CHST9: variants seen among roughly 807,000 people sequenced by gnomAD.
CHST9 encodes the protein GalNAc-4-sulfotransferase 2.
A neutral mutation model predicts 44.4 loss-of-function variants in CHST9; 41 were observed. The ratio of observed to expected loss-of-function variants is 0.92; its 90% confidence interval spans 0.72 to 1.20. The LOEUF (loss-of-function observed/expected upper bound fraction) is 1.20. Among genes scored for constraint, CHST9 ranks in the 50% most tolerant of loss-of-function variants. The probability of loss-of-function intolerance (pLI) is 0.00; values close to 1 mark genes in which losing one functional copy is unlikely to be tolerated. For missense variants in CHST9, 504 were observed against 516.5 expected, an observed-to-expected ratio of 0.98 and a Z score of 0.23; for synonymous variants, 171 against 178.4, an observed-to-expected ratio of 0.96 and a Z score of 0.33.
At chr18:26,934,298 G>C (rs1400215586) in intron 5 of CHST9, 5 of 150,620 alleles carry the variant, frequency 3.3e-5, no homozygotes, top group African/African-American at 4.9e-5. Context: ...GCAGCGGCGC[G>C]ATCTCGGCTC....
At position 27,039,418 on chromosome 18, in the gene CHST9, T is replaced by C. The variant is rs552218618; in HGVS notation, c.160+9047A>G. ...TAGCTAGTCACAAAACCACAAATATTGTATGATTCTACTTATATAAATTAC... is the reference window on the plus strand; with the variant it reads ...TAGCTAGTCACAAAACCACAAATATCGTATGATTCTACTTATATAAATTAC... On this transcript the variant is annotated intron_variant, in intron 3 of 5. Coordinates refer to ENST00000618847, the MANE Select transcript of CHST9 (RefSeq NM_031422.6). 2.6e-5 allele frequency among the ~76,000 whole-genome samples: 4 copies of C among 152,038 alleles called. 1 individual carries two copies. Among genetic ancestry groups the C allele is most frequent in the African/African-American group, 7.2e-5 (3 of 41,516 alleles).
chr18:26,952,336 C>T (rs993129371), intron 4 of CHST9: 14 of 503,720 alleles, frequency 2.8e-5, no homozygotes, highest in African/African-American at 2.3e-4. Context: ...CCAACTATGT[C>T]CTCAGGCAGG....
At chr18:27,085,326 A>G (rs1230364602) in intron 2 of CHST9, among the ~76,000 whole-genome samples, 1 of 152,342 alleles carries the variant, frequency 6.6e-6, no homozygotes, top group East Asian at 1.9e-4. Context: ...TAACAGAGAA[A>G]GCAGACAACC....
At chr18:26,987,564 A>G (rs942573787) in intron 4 of CHST9, among the ~76,000 whole-genome samples, 1 of 152,208 alleles carries the variant, frequency 6.6e-6, no homozygotes, top group East Asian at 1.9e-4. Flanking sequence ...AATAAAATAT[A>G]TGACAACAAC....
At chr18:26,989,277 C>T (rs2056788964) in intron 4 of CHST9, among the ~76,000 whole-genome samples, 1 of 152,068 alleles carries the variant, frequency 6.6e-6, no homozygotes, top group African/African-American at 2.4e-5. Flanking sequence ...AAGATTTGAA[C>T]AGGCACTTCA....
intron 4 of CHST9, among the ~76,000 whole-genome samples, chr18:26,980,605 A>G (rs1387704093): frequency 6.6e-6 from 1 of 152,120 alleles, no homozygotes; most frequent in Non-Finnish European, 1.5e-5. Context: ...ACTCCATTTT[A>G]TATGTCAGGT....
At position 26,916,978 on chromosome 18, in the gene CHST9, T is replaced by C. The variant is rs1210860312; in HGVS notation, c.613A>G (p.Arg205Gly). 6.2e-7 allele frequency: 1 copy of C among 1,613,870 alleles called. No homozygotes were observed. The highest frequency in any genetic ancestry group is 8.5e-7 in the Non-Finnish European group (1 of 1,179,892). ...HQSHLFHTVSRIYVEDKHKIL... is the reference protein window; with the variant it reads ...HQSHLFHTVSGIYVEDKHKIL... ...TTGTGTTTATCTTCTACATAGATTC[T>C]GGATACTGTATGAAAAAGATGTGAC... Residue 205 changes from arginine (R) to glycine (G), a missense_variant, in exon 6 of 6, where the codon AGA becomes GGA. By Grantham distance (125) the Arg-to-Gly change is moderately radical (BLOSUM62 -2). Transcript: ENST00000618847.
At chr18:26,992,787 C>T (rs551155403) in intron 4 of CHST9, among the ~76,000 whole-genome samples, 20 of 152,028 alleles carry the variant, frequency 1.3e-4, no homozygotes, top group Non-Finnish European at 2.4e-4. Flanking sequence ...TTGAGCAATG[C>T]GATGGCATTA....
chr18:27,166,185 A>G (rs983003709), intron 1 of CHST9, among the ~76,000 whole-genome samples: 4 of 152,120 alleles, frequency 2.6e-5, no homozygotes, highest in African/African-American at 7.2e-5. Context: ...TCCAGTTCCA[A>G]TAACTCATCT....
intron 2 of CHST9, among the ~76,000 whole-genome samples, chr18:27,106,350 C>T (rs1305423748): frequency 6.6e-6 from 1 of 152,094 alleles, no homozygotes; most frequent in Non-Finnish European, 1.5e-5. Context: ...TTCTTAGTTT[C>T]CCGTCTTAAT....
rs1200756779 is a variant in CHST9, at chr18:26,908,393, G to A, written c.*7866C>T. 1 of 151,766 alleles carries A rather than the reference G, an allele frequency of 6.6e-6. No homozygotes were observed. The highest frequency in any genetic ancestry group is 6.6e-5 in the Admixed American group (1 of 15,230). The allele number at this position is 151,766 out of a possible 1,614,324, so 9.4% of individuals were successfully genotyped here. On this transcript the variant is annotated 3_prime_UTR_variant, in exon 6 of 6. Coordinates refer to ENST00000618847, the MANE Select transcript of CHST9 (RefSeq NM_031422.6). ...GATGGTGCCACTGCACTGCAGCCTG[G>A]GCGACAAGAGTGAAACTCTGTCTCA...
chr18:27,168,236 G>A (rs1022343946), intron 1 of CHST9, among the ~76,000 whole-genome samples: 3 of 152,092 alleles, frequency 2.0e-5, no homozygotes, highest in South Asian at 4.2e-4. Context: ...CACCACGCCC[G>A]GCTAATTTTT....
At chr18:27,051,488 G>A (rs376982696) in intron 2 of CHST9, among the ~76,000 whole-genome samples, 39 of 152,230 alleles carry the variant, frequency 2.6e-4, no homozygotes, top group Admixed American at 2.0e-3. Context: ...GGGGGATGCC[G>A]GATAATATGT....
chr18:26,967,088 GA>G (rs2056475467), intron 4 of CHST9, among the ~76,000 whole-genome samples: 2 of 152,016 alleles, frequency 1.3e-5, no homozygotes, highest in Admixed American at 6.6e-5. Context: ...TTCCTTTTGT[GA>G]ATTCTAACAC....
chr18:27,158,158 G>A (rs925209595), intron 1 of CHST9, among the ~76,000 whole-genome samples: 8 of 152,048 alleles, frequency 5.3e-5, no homozygotes, highest in Non-Finnish European at 7.4e-5. Flanking sequence ...CAACGTGCAG[G>A]TTAGTTACAT....
At chr18:27,054,109 A>G (rs2057622338) in intron 2 of CHST9, among the ~76,000 whole-genome samples, 2 of 152,182 alleles carry the variant, frequency 1.3e-5, no homozygotes, top group South Asian at 4.1e-4. Context: ...CGTGCCTTAA[A>G]CACAAATGCT....
intron 4 of CHST9, among the ~76,000 whole-genome samples, chr18:27,005,675 T>G (rs941674071): frequency 4.6e-5 from 7 of 152,158 alleles, no homozygotes; most frequent in African/African-American, 1.4e-4. Flanking sequence ...ATGAGGAAAC[T>G]GAGGCACAGA....
chr18:27,014,557 G>A (rs7227120), intron 4 of CHST9, among the ~76,000 whole-genome samples: 20,549 of 139,388 alleles, frequency 0.15, 3,208 homozygotes, highest in African/African-American at 0.41. Context: ...ATTTTATATT[G>A]TAAGAGCCCC....
rs180944998 is a variant in CHST9, at chr18:26,914,674, G to A, written c.*1585C>T. On this transcript the variant is annotated 3_prime_UTR_variant, in exon 6 of 6. Coordinates refer to ENST00000618847, the MANE Select transcript of CHST9 (RefSeq NM_031422.6). The stretch of plus-strand genomic sequence containing the variant: ...AGGAGACACAGATGGGACACGGCAG[G>A]TGTGTGTAAGGAGCGAAGCAATTCA... 48 of 353,192 alleles carry A rather than the reference G, an allele frequency of 1.4e-4. No homozygotes were observed. The East Asian group carries it at 1.8e-3, about 14-fold the overall frequency. 21.9% of individuals were successfully genotyped at this position (353,192 alleles called of 1,614,324 possible).
Sources: allele counts gnomAD v4.1 joint callset (sites outside exome capture counted in the v4.1 genomes callset), GRCh38; gene constraint gnomAD v4.1.1; transcripts MANE v1.5; gene names NCBI Gene and HGNC (gene_info 2026-07-23, HGNC 2026-07-21).